Variants in GALNTL6 observed in about 807,000 individuals in gnomAD.
GALNTL6 encodes polypeptide N-acetylgalactosaminyltransferase like 6.
Under a neutral mutation model 73.7 loss-of-function variants are expected in GALNTL6, and 46 were observed. The ratio of observed to expected loss-of-function variants is 0.62; its 90% CI spans 0.49 to 0.80. The LOEUF (loss-of-function observed/expected upper bound fraction) is 0.80, where lower values mean the gene tolerates loss of function less well. GALNTL6 is among the 30% of genes least tolerant of loss of function. The probability of loss-of-function intolerance (pLI) is 0.00; values close to 1 mark genes in which losing one functional copy is unlikely to be tolerated. For synonymous variants in GALNTL6, 259 were observed against 263.7 expected (o/e 0.98, Z 0.17); for missense variants, 604 against 755.0 (o/e 0.80, Z 2.34).
intron 2 of GALNTL6, among the ~76,000 whole-genome samples, chr4:172,179,176 T>G (rs1309614614): frequency 2.0e-5 from 3 of 148,254 alleles, no homozygotes; most frequent in African/African-American, 7.5e-5. Flanking sequence ...TACCCAGTAA[T>G]GGGATGGCTG....
At chr4:172,352,232 A>T (rs999128131) in intron 5 of GALNTL6, among the ~76,000 whole-genome samples, 1 of 152,148 alleles carries the variant, frequency 6.6e-6, no homozygotes, top group Non-Finnish European at 1.5e-5. Context: ...AAAATGCTTT[A>T]AAAAAAGTGC....
intron 2 of GALNTL6, among the ~76,000 whole-genome samples, chr4:171,965,708 T>C (rs1739366439): frequency 6.7e-6 from 1 of 150,220 alleles, no homozygotes; most frequent in South Asian, 2.1e-4. Flanking sequence ...ACCATATGAA[T>C]TACACCTATA....
At chr4:171,864,719 G>A (rs916400925) in intron 2 of GALNTL6, among the ~76,000 whole-genome samples, 2 of 152,246 alleles carry the variant, frequency 1.3e-5, no homozygotes, top group East Asian at 1.9e-4. Context: ...TTACCTGCAA[G>A]GTACTGAAGG....
intron 2 of GALNTL6, among the ~76,000 whole-genome samples, chr4:171,929,354 G>A (rs368249396): frequency 1.3e-5 from 2 of 152,120 alleles, no homozygotes; most frequent in African/African-American, 2.4e-5. Context: ...TTTTAGACGT[G>A]AGCCTCCATT....
chr4:172,519,335 A>G (rs1363027800), intron 5 of GALNTL6, among the ~76,000 whole-genome samples: 4 of 151,214 alleles, frequency 2.6e-5, no homozygotes, highest in Non-Finnish European at 4.4e-5. Context: ...CTATTAAAGC[A>G]AAAAAGCAAC....
intron 5 of GALNTL6, among the ~76,000 whole-genome samples, chr4:172,532,119 T>C (rs1213860109): frequency 1.3e-5 from 2 of 152,130 alleles, no homozygotes; most frequent in Admixed American, 1.3e-4. Context: ...TGACAGGTTA[T>C]GTATGAGTTG....
intron 2 of GALNTL6, among the ~76,000 whole-genome samples, chr4:172,181,785 C>T (rs113622441): frequency 0.023 from 3,405 of 147,452 alleles, 128 homozygotes; most frequent in African/African-American, 0.078. Context: ...GGCGCGATCT[C>T]GGCTCACTGC....
chr4:172,646,572 A>G (rs1317823072), intron 5 of GALNTL6, among the ~76,000 whole-genome samples: 1 of 152,050 alleles, frequency 6.6e-6, no homozygotes, highest in Non-Finnish European at 1.5e-5. Context: ...GGTTAGTACT[A>G]CATAGTCTGT....
chr4:172,523,864 C>T (rs1734864757), intron 5 of GALNTL6, among the ~76,000 whole-genome samples: 1 of 152,032 alleles, frequency 6.6e-6, no homozygotes, highest in South Asian at 2.1e-4. Flanking sequence ...CTACACATAA[C>T]ACACATACAA....
chr4:171,909,144 T>TAAAA (rs370708126), intron 2 of GALNTL6, among the ~76,000 whole-genome samples: 1 of 128,446 alleles, frequency 7.8e-6, no homozygotes, highest in African/African-American at 2.8e-5. Context: ...TAAAGTATAA[T>TAAAA]AATAAATAAA....
chr4:171,813,906 G>C lies in GALNTL6; in HGVS notation c.-254G>C, dbSNP rs1000056586. On this transcript the variant is annotated 5_prime_UTR_variant, in exon 1 of 13. Transcript: ENST00000506823. The surrounding 1 kb of genome is among the most constrained non-coding windows in gnomAD (Gnocchi z 5.2). Reference sequence around the variant, plus strand: ...CACTTCGTGGACCTCCATCCGAACCGGAGTTCTGCCCGGATCCCGAGTCCC... The same window carrying C: ...CACTTCGTGGACCTCCATCCGAACCCGAGTTCTGCCCGGATCCCGAGTCCC... 2 of 152,342 alleles carry C rather than the reference G, an allele frequency of 1.3e-5. No individual in the cohort carries two copies. Among genetic ancestry groups the C allele is most frequent in the African/African-American group, 4.8e-5 (2 of 41,548 alleles). 9.4% of individuals were successfully genotyped at this position (152,342 alleles called of 1,614,324 possible). A position where few individuals can be genotyped will look rare whatever the true frequency, so the allele number is the denominator to read the frequency against.
At chr4:172,240,910 A>G (rs762737975) in intron 3 of GALNTL6, among the ~76,000 whole-genome samples, 16 of 152,212 alleles carry the variant, frequency 1.1e-4, no homozygotes, top group Non-Finnish European at 1.9e-4. Flanking sequence ...AAAGAAAAAG[A>G]CACACTGGCT....
chr4:172,336,841 G>C (rs1741345741), intron 4 of GALNTL6, among the ~76,000 whole-genome samples: 2 of 152,034 alleles, frequency 1.3e-5, no homozygotes, highest in Admixed American at 6.6e-5. Context: ...TGTCAGTGAG[G>C]TGTTGCAGCA....
chr4:172,741,957 G>A (rs1540464), intron 5 of GALNTL6, among the ~76,000 whole-genome samples: 54,415 of 151,206 alleles, frequency 0.36, 10,825 homozygotes, highest in African/African-American at 0.52. Context: ...TAAAACAATA[G>A]AGAAAAATAA....
At position 172,290,978 on chromosome 4, in the gene GALNTL6, C is replaced by T. The variant is rs76782140; in HGVS notation, c.248-20636C>T. Among the ~76,000 whole-genome samples the T allele has an allele frequency of 6.8e-4, 103 of 151,842 alleles. 3 individuals carry two copies. The East Asian group carries it at 0.017, about 25-fold the overall frequency. The stretch of plus-strand genomic sequence containing the variant: ...AGAAAGAGAAGAATGAAAAGGAGAG[C>T]CACACTGCTTATGTATACATGATAA... On this transcript the variant is annotated intron_variant, in intron 3 of 12. Coordinates refer to ENST00000506823, the MANE Select transcript of GALNTL6 (RefSeq NM_001034845.3).
chr4:171,825,851 T>C (rs1199984018), intron 2 of GALNTL6, among the ~76,000 whole-genome samples: 1 of 152,188 alleles, frequency 6.6e-6, no homozygotes, highest in East Asian at 1.9e-4. Context: ...AAAAACATTC[T>C]GTTGAACATC....
intron 2 of GALNTL6, among the ~76,000 whole-genome samples, chr4:171,960,322 G>T (rs1374993919): frequency 6.6e-6 from 1 of 152,038 alleles, no homozygotes; most frequent in African/African-American, 2.4e-5. Flanking sequence ...TGTTGCCCAG[G>T]CTAGAGTGCA....
intron 5 of GALNTL6, among the ~76,000 whole-genome samples, chr4:172,689,810 G>A (rs1304965443): frequency 6.6e-6 from 1 of 151,668 alleles, no homozygotes; most frequent in Non-Finnish European, 1.5e-5. Context: ...GTACCTTCAA[G>A]TTCATAACAT....
chr4:173,036,673 C>T (rs1753710073), intron 12 of GALNTL6, among the ~76,000 whole-genome samples: 2 of 152,196 alleles, frequency 1.3e-5, no homozygotes, highest in African/African-American at 4.8e-5. Flanking sequence ...AAGGGAAATG[C>T]ACTGCTGGAT....
Sources: gnomAD v4.1 joint callset for allele counts (sites outside exome capture counted in the v4.1 genomes callset) on GRCh38, gnomAD v4.1.1 for gene constraint, Gnocchi (gnomAD v3.1) non-coding constraint, MANE v1.5 for transcripts, NCBI Gene and HGNC (gene_info 2026-07-23, HGNC 2026-07-21) for gene names.